CAB39L: variants seen among roughly 807,000 people sequenced by gnomAD.
CAB39L encodes calcium-binding protein 39-like.
In CAB39L, 23 loss-of-function variants were observed where a neutral mutation model predicts 39.1. That is an observed-to-expected ratio of 0.59 (90% CI 0.42 to 0.83). CAB39L has a LOEUF of 0.83. Ranked by LOEUF, CAB39L falls within the 40% of genes least tolerant of loss-of-function variation. The pLI is 0.00. For missense variants in CAB39L, 366 were observed against 391.9 expected (o/e 0.93, Z 0.56); for synonymous variants, 126 against 137.2 (o/e 0.92, Z 0.57).
At chr13:49,395,338 C>A (rs148660296) in intron 3 of CAB39L, among the ~76,000 whole-genome samples, 14 of 151,466 alleles carry the variant, frequency 9.2e-5, no homozygotes, top group Non-Finnish European at 1.9e-4. Flanking sequence ...CGGGTTCAAG[C>A]GATTCTCCTG....
At chr13:49,361,477 C>CAAAAAAAAAAAAAAAAAAAAAAAAA (rs33984866) in intron 5 of CAB39L, among the ~76,000 whole-genome samples, 2 of 54,440 alleles carry the variant, frequency 3.7e-5, no homozygotes, top group South Asian at 1.1e-3. Context: ...GACTTCATCT[C>CAAAAAAAAAAAAAAAAAAAAAAAAA]AAAAAAAAAA....
chr13:49,382,911 G>A lies in CAB39L; in HGVS notation c.-1C>T, dbSNP rs1216495350. ...TACTAAACAAAGGCATTTTTTTCAT[G>A]TGTAGAAATCTCTTCTTCCAATATG... On this transcript the variant is annotated 5_prime_UTR_variant, in exon 4 of 11. Coordinates refer to ENST00000409308, the MANE Select transcript of CAB39L (RefSeq NM_001079670.3). 5.8e-6 allele frequency: 9 copies of A among 1,562,400 alleles called. No homozygotes were observed. The highest frequency in any genetic ancestry group is 4.1e-5 in the African/African-American group (3 of 73,604).
chr13:49,436,191 A>G (rs943341484), intron 1 of CAB39L, among the ~76,000 whole-genome samples: 1 of 152,112 alleles, frequency 6.6e-6, no homozygotes, highest in Admixed American at 6.5e-5. Flanking sequence ...GCCCAGAGGA[A>G]TTTTTCTTCA....
chr13:49,349,945 A>T (rs1173596283), intron 7 of CAB39L, among the ~76,000 whole-genome samples: 1 of 152,210 alleles, frequency 6.6e-6, no homozygotes, highest in African/African-American at 2.4e-5. Context: ...GTTTGTCTGC[A>T]AATTAGCTGC....
rs60700916 is a variant in CAB39L at position 49,315,884 on chromosome 13, C to CAA, written c.835-4893_835-4892dup. Among the ~76,000 whole-genome samples, 696 of 120,018 alleles carry CAA rather than the reference C, an allele frequency of 5.8e-3. 5 individuals carry two copies. Among genetic ancestry groups the CAA allele is most frequent in the African/African-American group, 0.017 (506 of 29,688 alleles). 78.7% of individuals were successfully genotyped at this position (120,018 alleles called of 152,430 possible). On this transcript the variant is annotated intron_variant, in intron 10 of 10. Coordinates refer to ENST00000409308, the MANE Select transcript of CAB39L (RefSeq NM_001079670.3). ...TGGGCAACAGAGCAAGTCTCCATCTCAAAAAAAAAAAAAAAGAAAAGAAAA... is the reference window on the plus strand; with the variant it reads ...TGGGCAACAGAGCAAGTCTCCATCTCAAAAAAAAAAAAAAAAAGAAAAGAAAA...
chr13:49,392,836 AAATACCAAATCAGGTTTTT>A (rs1329343643), intron 3 of CAB39L, among the ~76,000 whole-genome samples: 1 of 152,150 alleles, frequency 6.6e-6, no homozygotes, highest in African/African-American at 2.4e-5. Context: ...TTACAAAACA[AAATACCAAATCAGGTTTTT>A]AATAATAGAA....
chr13:49,344,574 T>C (rs1455070348), intron 7 of CAB39L, among the ~76,000 whole-genome samples: 1 of 146,380 alleles, frequency 6.8e-6, no homozygotes, highest in East Asian at 2.0e-4. Context: ...CAGGCTGGAG[T>C]GCAGTGGCAT....
intron 5 of CAB39L, among the ~76,000 whole-genome samples, chr13:49,368,090 T>A (rs946448712): frequency 1.3e-5 from 2 of 152,210 alleles, no homozygotes; most frequent in Non-Finnish European, 2.9e-5. Flanking sequence ...CAGTGTAATA[T>A]TGCAGAATAA....
intron 10 of CAB39L, among the ~76,000 whole-genome samples, chr13:49,331,476 A>G (rs1166962522): frequency 6.6e-6 from 1 of 152,100 alleles, no homozygotes; most frequent in African/African-American, 2.4e-5. Flanking sequence ...AAAACAAAAA[A>G]CAAAAAACAA....
intron 3 of CAB39L, among the ~76,000 whole-genome samples, chr13:49,386,680 T>C (rs9535219): frequency 0.55 from 82,835 of 151,872 alleles, 23,997 homozygotes; most frequent in African/African-American, 0.72. Context: ...GAAATCAAAG[T>C]TCATGCTCTT....
chr13:49,347,055 T>C (rs7989586), intron 7 of CAB39L, among the ~76,000 whole-genome samples: 448 of 152,070 alleles, frequency 2.9e-3, no homozygotes, highest in African/African-American at 9.9e-3. Context: ...CAAAATCAAG[T>C]CAATCATCCA....
intron 9 of CAB39L, among the ~76,000 whole-genome samples, chr13:49,334,192 G>A (rs759558285): frequency 5.9e-5 from 9 of 152,060 alleles, no homozygotes; most frequent in Non-Finnish European, 1.0e-4. Flanking sequence ...CATGCAAAAT[G>A]GTCTCTCCTT....
intron 1 of CAB39L, among the ~76,000 whole-genome samples, chr13:49,436,425 C>CT (rs1303837743): frequency 1.3e-5 from 2 of 151,938 alleles, no homozygotes; most frequent in Non-Finnish European, 2.9e-5. Flanking sequence ...CTTTCTATTA[C>CT]TTTTTAACCT....
intron 10 of CAB39L, among the ~76,000 whole-genome samples, chr13:49,318,697 G>T (rs73186851): frequency 2.2e-4 from 32 of 144,146 alleles, no homozygotes; most frequent in Admixed American, 2.0e-3. Flanking sequence ...ATTGTTGCTG[G>T]TGGGAATATA....
intron 5 of CAB39L, among the ~76,000 whole-genome samples, chr13:49,368,012 G>A (rs1050073672): frequency 1.3e-5 from 2 of 151,896 alleles, no homozygotes; most frequent in African/African-American, 4.8e-5. Context: ...AAAAGATATA[G>A]CTGTAAGCAT....
intron 3 of CAB39L, among the ~76,000 whole-genome samples, chr13:49,418,840 C>T (rs1044694243): frequency 6.6e-6 from 1 of 152,138 alleles, no homozygotes; most frequent in African/African-American, 2.4e-5. Context: ...GAATTACAGA[C>T]ATGAGCCACC....
In CAB39L at chr13:49,338,659, GA is replaced by G. The variant is rs923973442; in HGVS notation, c.690+1017del. Among the ~76,000 whole-genome samples, 522 of 150,348 alleles carry G rather than the reference GA, an allele frequency of 3.5e-3. 1 individual carries two copies. The highest frequency in any genetic ancestry group is 0.011 in the African/African-American group (451 of 40,970). ...TAAAACTTAAAGTATAATAATAAAAGAAAAAAAAACTGTAAAAAAGAAAAGC... is the reference window on the plus strand; with the variant it reads ...TAAAACTTAAAGTATAATAATAAAAGAAAAAAAACTGTAAAAAAGAAAAGC... On this transcript the variant is annotated intron_variant, in intron 9 of 10. Coordinates refer to ENST00000409308, the MANE Select transcript of CAB39L (RefSeq NM_001079670.3).
intron 5 of CAB39L, among the ~76,000 whole-genome samples, chr13:49,372,595 AT>A (rs1348603898): frequency 1.3e-5 from 2 of 151,854 alleles, no homozygotes; most frequent in Non-Finnish European, 2.9e-5. Context: ...GCAACTGCTT[AT>A]TTTTTCAGCA....
chr13:49,346,265 C>G (rs530226266), intron 7 of CAB39L, among the ~76,000 whole-genome samples: 2 of 145,694 alleles, frequency 1.4e-5, no homozygotes, highest in Admixed American at 6.8e-5. Flanking sequence ...CATATACATA[C>G]ACACAGGCTT....
Sources: allele counts gnomAD v4.1 joint callset (sites outside exome capture counted in the v4.1 genomes callset), GRCh38; gene constraint gnomAD v4.1.1; transcripts MANE v1.5; gene names NCBI Gene and HGNC (gene_info 2026-07-23, HGNC 2026-07-21).